Variants in SPON2 observed in about 807,000 individuals in gnomAD.
The protein encoded by SPON2 is spondin 2.
In SPON2, 32 loss-of-function variants were observed where a neutral mutation model predicts 29.9. The ratio of observed to expected loss-of-function variants is 1.07; its 90% CI spans 0.81 to 1.44. The LOEUF (loss-of-function observed/expected upper bound fraction) is 1.44, where lower values mean the gene tolerates loss of function less well. SPON2 is among the 40% of genes most tolerant of loss of function. The probability of loss-of-function intolerance (pLI) is 0.00; values close to 1 mark genes in which losing one functional copy is unlikely to be tolerated. For synonymous variants in SPON2, 248 were observed against 209.1 expected, an observed-to-expected ratio of 1.19 and a Z score of -1.61; for missense variants, 541 against 455.5, an observed-to-expected ratio of 1.19 and a Z score of -1.71.
intron 1 of SPON2, among the ~76,000 whole-genome samples, chr4:1,192,000 A>G (rs1430468567): frequency 6.6e-6 from 1 of 152,234 alleles, no homozygotes; most frequent in East Asian, 1.9e-4. Flanking sequence ...ATGGGATAGA[A>G]GAGACTCAGC....
chr4:1,198,623 C>T (rs547341463), upstream of SPON2, among the ~76,000 whole-genome samples: 13 of 152,196 alleles, frequency 8.5e-5, no homozygotes, highest in South Asian at 2.1e-4. Context: ...AACGCAGCGT[C>T]GGCGGATTCT....
rs1727416946 is a variant in SPON2 at position 1,170,991 on chromosome 4, C to T, written c.636+8G>A. ...AGCGGCCCTTGCGCACGCGGGGTGCCCACTCACCTCGGTCACCGTGTCCTG... is the reference window on the plus strand; with the variant it reads ...AGCGGCCCTTGCGCACGCGGGGTGCTCACTCACCTCGGTCACCGTGTCCTG... On this transcript the variant is annotated splice_region_variant and intron_variant, in intron 4 of 5. Coordinates refer to ENST00000290902, the MANE Select transcript of SPON2 (RefSeq NM_012445.4). 1.3e-6 allele frequency: 2 copies of T among 1,547,374 alleles called. No homozygotes were observed. The highest frequency in any genetic ancestry group is 1.7e-6 in the Non-Finnish European group (2 of 1,144,854).
At chr4:1,176,263 G>A (rs1460083488), upstream of SPON2, among the ~76,000 whole-genome samples, 1 of 152,088 alleles carries the variant, frequency 6.6e-6, no homozygotes, top group Non-Finnish European at 1.5e-5. Context: ...GAGGGTCACA[G>A]GATAAGTATC....
chr4:1,201,728 G>T (rs529853624), intron 1 of SPON2, among the ~76,000 whole-genome samples: 1 of 152,036 alleles, frequency 6.6e-6, no homozygotes, highest in African/African-American at 2.4e-5. Flanking sequence ...GATTACAGGC[G>T]CCGGTTGCCA....
chr4:1,167,607 T>C lies in SPON2; in HGVS notation c.861A>G (p.Gly287=), dbSNP rs148503555. The C allele has an allele frequency of 6.4e-4, 1,040 of 1,613,114 alleles. 3 individuals carry two copies. The African/African-American group carries it at 0.011, about 16-fold the overall frequency. Residue 287 remains glycine (G), a synonymous_variant, in exon 6 of 6, where the codon GGA becomes GGG. Transcript: ENST00000290902. ...GCCTCCCACAGTGGCCTCCGCACAG[T>C]CCCCAGGACGACCACAGGGAGACCT... ...DCEVSLWSSW[G]LCGGHCGRLG... is the part of the protein sequence containing the mutation.
chr4:1,170,729 G>C (rs947811976), intron 4 of SPON2, 153 bp from the exon 5 acceptor site: 10 of 1,080,224 alleles, frequency 9.3e-6, no homozygotes, highest in Non-Finnish European at 1.2e-5. Flanking sequence ...GCCATCCCAC[G>C]GAACACGGGC....
intron 1 of SPON2, among the ~76,000 whole-genome samples, chr4:1,186,279 A>AG (rs1402653050): frequency 6.6e-6 from 1 of 150,942 alleles, no homozygotes; most frequent in Admixed American, 6.6e-5. Context: ...AACAGAGTAA[A>AG]GGGGCAACTC....
chr4:1,206,382 G>C (rs1728343545), intron 1 of SPON2, among the ~76,000 whole-genome samples: 1 of 152,260 alleles, frequency 6.6e-6, no homozygotes, highest in African/African-American at 2.4e-5. Flanking sequence ...TCAGCCCTTG[G>C]TCTGGCCCCA....
upstream of SPON2, among the ~76,000 whole-genome samples, chr4:1,173,899 T>C (rs542176309): frequency 4.5e-4 from 69 of 152,340 alleles, no homozygotes; most frequent in African/African-American, 1.6e-3. Flanking sequence ...GACTCCTTCA[T>C]ACTCTTAAAG....
chr4:1,167,300 C>T lies in SPON2; in HGVS notation c.*172G>A. On this transcript the variant is annotated 3_prime_UTR_variant, in exon 6 of 6. Transcript: ENST00000290902. The stretch of plus-strand genomic sequence containing the variant: ...AAAGGAGGAGGCTGTTTCCCAATGC[C>T]CGTGCCGGCCACCAGAGGGCCCTTC... 1.6e-6 allele frequency: 1 copy of T among 634,546 alleles called. No individual in the cohort carries two copies. Among genetic ancestry groups the T allele is most frequent in the African/African-American group, 1.9e-5 (1 of 53,978 alleles). The allele number at this position is 634,546 out of a possible 1,614,324, so 39.3% of individuals were successfully genotyped here. A position where few individuals can be genotyped will look rare whatever the true frequency, so the allele number is the denominator to read the frequency against.
intron 1 of SPON2, among the ~76,000 whole-genome samples, chr4:1,193,598 C>T (rs1183844580): frequency 2.0e-5 from 2 of 97,668 alleles, no homozygotes; most frequent in East Asian, 2.8e-4. Flanking sequence ...GGGACAAGAA[C>T]GTGGGGGGCA....
chr4:1,175,069 C>T (rs992757121), upstream of SPON2, among the ~76,000 whole-genome samples: 11 of 152,218 alleles, frequency 7.2e-5, no homozygotes, highest in Non-Finnish European at 1.6e-4. Context: ...AGGCTGGACT[C>T]GAATCCACAG....
chr4:1,169,084 C>T (rs1257254105), intron 5 of SPON2, among the ~76,000 whole-genome samples: 4 of 152,028 alleles, frequency 2.6e-5, no homozygotes, highest in Non-Finnish European at 4.4e-5. Flanking sequence ...AGTCTCTCCC[C>T]ACCCTTCCCC....
exon 1 of SPON2, chr4:1,195,125 G>A (rs1207297600): frequency 5.3e-5 from 8 of 151,818 alleles, no homozygotes; most frequent in African/African-American, 9.7e-5. Flanking sequence ...CCCCGCAGCC[G>A]GCGGCTCAGG....
At chr4:1,194,632 G>T (rs931075061) in intron 1 of SPON2, among the ~76,000 whole-genome samples, 2 of 152,160 alleles carry the variant, frequency 1.3e-5, no homozygotes, top group Admixed American at 6.5e-5. Context: ...GCTCTGGCCC[G>T]CGGGACCTGC....
At chr4:1,205,367 T>C (rs567537472) in intron 1 of SPON2, among the ~76,000 whole-genome samples, 1 of 152,296 alleles carries the variant, frequency 6.6e-6, no homozygotes, top group African/African-American at 2.4e-5. Flanking sequence ...TGGGGCCTCC[T>C]CGGAGCAGCT....
upstream of SPON2, chr4:1,199,613 G>A (rs1237968752): frequency 1.3e-5 from 2 of 152,242 alleles, no homozygotes; most frequent in East Asian, 1.9e-4. This position sits in a 1 kb window ranked among gnomAD's most constrained non-coding sequence, Gnocchi z 4.5. Context: ...GCTCGACAGA[G>A]GCGTCATTTC....
intron 1 of SPON2, among the ~76,000 whole-genome samples, chr4:1,194,761 C>T (rs1035424142): frequency 1.3e-5 from 2 of 152,092 alleles, no homozygotes; most frequent in Non-Finnish European, 1.5e-5. Flanking sequence ...AAGTCTGGCC[C>T]GGGGCCAGAG....
chr4:1,174,984 C>T (rs996580185), upstream of SPON2, among the ~76,000 whole-genome samples: 2 of 152,188 alleles, frequency 1.3e-5, no homozygotes, highest in Admixed American at 6.5e-5. Context: ...CAATGGGCTT[C>T]GATCTCATCA....
Sources: allele counts gnomAD v4.1 joint callset (sites outside exome capture counted in the v4.1 genomes callset), GRCh38; gene constraint gnomAD v4.1.1; non-coding constraint Gnocchi (gnomAD v3.1); transcripts MANE v1.5; gene names NCBI Gene and HGNC (gene_info 2026-07-23, HGNC 2026-07-21).